TMEM65: variants seen among roughly 807,000 people sequenced by gnomAD.
The protein encoded by TMEM65 is transmembrane protein 65.
TMEM65 carries 22 observed loss-of-function variants against 25.4 expected under a neutral mutation model. The ratio of observed to expected loss-of-function variants is 0.86; its 90% CI spans 0.62 to 1.23. The LOEUF (loss-of-function observed/expected upper bound fraction) is 1.23. Among genes scored for constraint, TMEM65 ranks in the 50% most tolerant of loss-of-function variants. The pLI is 0.00. For missense variants in TMEM65, 262 were observed against 308.2 expected, an observed-to-expected ratio of 0.85 and a Z score of 1.12; for synonymous variants, 132 against 126.2, an observed-to-expected ratio of 1.05 and a Z score of -0.31.
chr8:124,360,254 C>T (rs1196295294), intron 1 of TMEM65, among the ~76,000 whole-genome samples: 1 of 151,986 alleles, frequency 6.6e-6, no homozygotes, highest in Non-Finnish European at 1.5e-5. Context: ...CATGGTGAAA[C>T]TCAGTCTCTA....
Position 124,306,988 on chromosome 8 carries a change from T to A in TMEM65, c.*6972A>T, listed in dbSNP as rs1814098867. 1 of 152,096 alleles carries A rather than the reference T, an allele frequency of 6.6e-6. No homozygotes were observed. Among genetic ancestry groups the A allele is most frequent in the East Asian group, 1.9e-4 (1 of 5,184 alleles). The allele number at this position is 152,096 out of a possible 1,614,324, so 9.4% of individuals were successfully genotyped here. ...TTAAAATTTATCAAAACTTAACGCA[T>A]ACACAGACTATACATTGGAGCCATT... is the stretch of plus-strand genomic sequence containing the variant. On this transcript the variant is annotated 3_prime_UTR_variant, in exon 7 of 7. Transcript: ENST00000297632.
chr8:124,349,121 T>C (rs1814675433), intron 1 of TMEM65, among the ~76,000 whole-genome samples: 4 of 152,164 alleles, frequency 2.6e-5, no homozygotes, highest in African/African-American at 9.7e-5. Context: ...AGATTCTCAT[T>C]TTCCCATTCT....
intron 6 of TMEM65, among the ~76,000 whole-genome samples, chr8:124,316,787 T>C (rs1420739704): frequency 6.6e-6 from 1 of 152,198 alleles, no homozygotes; most frequent in Non-Finnish European, 1.5e-5. Context: ...TAGAATATCC[T>C]TATTCCCTCA....
chr8:124,329,579 T>G (rs1814407269), intron 2 of TMEM65, among the ~76,000 whole-genome samples: 1 of 151,972 alleles, frequency 6.6e-6, no homozygotes, highest in South Asian at 2.1e-4. Context: ...AACAATCACT[T>G]TGAACTATAC....
At chr8:124,365,547 T>C (rs1586475970) in intron 1 of TMEM65, among the ~76,000 whole-genome samples, 1 of 152,338 alleles carries the variant, frequency 6.6e-6, no homozygotes, top group Non-Finnish European at 1.5e-5. Flanking sequence ...TCCCACATTC[T>C]AATTCCCTAA....
Position 124,313,083 on chromosome 8 carries a change from T to C in TMEM65, c.*877A>G, listed in dbSNP as rs2131190648. ...TAAACCTTCTTGACAGTTCCTATTT[T>C]CCACCTTTTTTTAAAAAAAGCTTTA... On this transcript the variant is annotated 3_prime_UTR_variant, in exon 7 of 7. Transcript: ENST00000297632. 1 of 152,072 alleles carries C rather than the reference T, an allele frequency of 6.6e-6. No homozygotes were observed. Among genetic ancestry groups the C allele is most frequent in the Non-Finnish European group, 1.5e-5 (1 of 67,866 alleles). The allele number at this position is 152,072 out of a possible 1,614,324, so 9.4% of individuals were successfully genotyped here. A position where few individuals can be genotyped will look rare whatever the true frequency, so the allele number is the denominator to read the frequency against.
intron 1 of TMEM65, among the ~76,000 whole-genome samples, chr8:124,337,587 T>C (rs1358242403): frequency 1.3e-5 from 2 of 152,070 alleles, no homozygotes; most frequent in East Asian, 1.9e-4. Context: ...AATATTTACA[T>C]ATAAATTTCT....
intron 1 of TMEM65, among the ~76,000 whole-genome samples, chr8:124,331,703 G>A (rs1447445985): frequency 6.6e-6 from 1 of 151,786 alleles, no homozygotes; most frequent in African/African-American, 2.4e-5. Flanking sequence ...CAACTGGACA[G>A]AATTAATTGT....
intron 1 of TMEM65, among the ~76,000 whole-genome samples, chr8:124,346,698 T>C (rs1301729496): frequency 6.6e-6 from 1 of 152,172 alleles, no homozygotes; most frequent in Non-Finnish European, 1.5e-5. Flanking sequence ...GACCACCTAA[T>C]ATTTATTCCA....
chr8:124,366,769 C>A (rs1449069722), intron 1 of TMEM65, among the ~76,000 whole-genome samples: 1 of 151,620 alleles, frequency 6.6e-6, no homozygotes, highest in Admixed American at 6.6e-5. Context: ...TGGCAGTAAT[C>A]CCTAGTAATA....
Position 124,360,794 on chromosome 8 carries a change from T to C in TMEM65, c.304+11060A>G, listed in dbSNP as rs188335580. Among the ~76,000 whole-genome samples the C allele has an allele frequency of 1.9e-3, 287 of 152,226 alleles. 1 individual carries two copies. Among genetic ancestry groups the C allele is most frequent in the Admixed American group, 4.4e-3 (67 of 15,286 alleles). On this transcript the variant is annotated intron_variant, in intron 1 of 6. Coordinates refer to ENST00000297632, the MANE Select transcript of TMEM65 (RefSeq NM_194291.3). ...GGCAATGAAACAGATAATTGGAAGATTGGTAGTAGAATGGGGAAAAAAAAT... is the reference window on the plus strand; with the variant it reads ...GGCAATGAAACAGATAATTGGAAGACTGGTAGTAGAATGGGGAAAAAAAAT...
At position 124,306,220 on chromosome 8, in the gene TMEM65, G is replaced by A. The variant is rs1814090730; in HGVS notation, c.*7740C>T. On this transcript the variant is annotated 3_prime_UTR_variant, in exon 7 of 7. Transcript: ENST00000297632. ...AACCCAACACAAGTTTATTTACTAA[G>A]TCAAGTCAAACTGAGGAGTATTTGT... The A allele has an allele frequency of 6.6e-6, 1 of 152,216 alleles. No individual in the cohort carries two copies. The allele number at this position is 152,216 out of a possible 1,614,324, so 9.4% of individuals were successfully genotyped here.
Position 124,320,088 on chromosome 8 carries a change from AAT to A in TMEM65, c.617_618del (p.His206LeufsTer25). 1 of 1,611,534 alleles carries A rather than the reference AAT, an allele frequency of 6.2e-7. No homozygotes were observed. Among genetic ancestry groups the A allele is most frequent in the Non-Finnish European group, 8.5e-7 (1 of 1,178,094 alleles). Reference protein sequence around the residue: ...VDMWQTRLSTHLGKAVGVTIG... With the variant: ...VDMWQTRLSTXLGKAVGVTIG... Reference sequence around the variant, plus strand: ...CATAAACCATGTAAATTACTTACCAAATGTGTACTAAGACGTGTTTGCCACAT... The same window carrying A: ...CATAAACCATGTAAATTACTTACCAAGTGTACTAAGACGTGTTTGCCACAT... On this transcript the variant is annotated frameshift_variant, in exon 6 of 7. Coordinates refer to ENST00000297632, the MANE Select transcript of TMEM65 (RefSeq NM_194291.3). LOFTEE classifies it high-confidence loss of function.
intron 1 of TMEM65, among the ~76,000 whole-genome samples, chr8:124,333,776 G>A (rs768592526): frequency 6.6e-6 from 1 of 152,188 alleles, no homozygotes; most frequent in Non-Finnish European, 1.5e-5. Context: ...AAGTGAGTTA[G>A]TTACCTGTTT....
intron 1 of TMEM65, among the ~76,000 whole-genome samples, chr8:124,334,226 C>T (rs990164321): frequency 2.0e-5 from 3 of 152,076 alleles, no homozygotes; most frequent in African/African-American, 4.8e-5. Flanking sequence ...AATTACTTCA[C>T]AAACAAGGAA....
At chr8:124,329,638 A>G (rs1381717321) in intron 2 of TMEM65, among the ~76,000 whole-genome samples, 1 of 152,016 alleles carries the variant, frequency 6.6e-6, no homozygotes, top group Non-Finnish European at 1.5e-5. Flanking sequence ...CCTAAAAATT[A>G]TAATTTATTT....
At chr8:124,359,289 A>G (rs1413785977) in intron 1 of TMEM65, among the ~76,000 whole-genome samples, 2 of 152,196 alleles carry the variant, frequency 1.3e-5, no homozygotes, top group Admixed American at 6.5e-5. Flanking sequence ...CTACCTATAC[A>G]TGTATAAATA....
intron 1 of TMEM65, among the ~76,000 whole-genome samples, chr8:124,339,248 T>TATATATATATAAAA (rs1489856057): frequency 1.9e-5 from 2 of 104,662 alleles, no homozygotes; most frequent in African/African-American, 8.4e-5. Flanking sequence ...TATATATATA[T>TATATATATATAAAA]AAAATATTCT....
At chr8:124,322,178 A>C (rs1215812563) in intron 4 of TMEM65, 31 bp from the exon 5 acceptor site, 8 of 1,499,620 alleles carry the variant, frequency 5.3e-6, no homozygotes, top group Non-Finnish European at 7.4e-6. Flanking sequence ...TAATTGTTAC[A>C]TAAAAGAATA....
Sources: allele counts gnomAD v4.1 joint callset (sites outside exome capture counted in the v4.1 genomes callset), GRCh38; gene constraint gnomAD v4.1.1; transcripts MANE v1.5; gene names NCBI Gene and HGNC (gene_info 2026-07-23, HGNC 2026-07-21).